Variants in ASB3 observed in about 807,000 individuals in gnomAD.
ASB3 encodes the protein ankyrin repeat and SOCS box protein 3.
ASB3 carries 41 observed loss-of-function variants against 54.5 expected under a neutral mutation model. That is an observed-to-expected ratio of 0.75 (90% CI 0.59 to 0.98). ASB3 has a LOEUF of 0.98. ASB3 is among the 50% of genes least tolerant of loss of function. The pLI is 0.00. For synonymous variants in ASB3, 266 were observed against 221.2 expected, an observed-to-expected ratio of 1.20 and a Z score of -1.80; for missense variants, 733 against 620.0, an observed-to-expected ratio of 1.18 and a Z score of -1.94.
At chr2:53,689,475 T>G (rs1328292078) in intron 9 of ASB3, among the ~76,000 whole-genome samples, 1 of 152,186 alleles carries the variant, frequency 6.6e-6, no homozygotes, top group Non-Finnish European at 1.5e-5. Context: ...AAACTAGAAA[T>G]GGCTTTAGCA....
chr2:53,733,384 C>G (rs531401803), intron 3 of ASB3, among the ~76,000 whole-genome samples: 1 of 151,356 alleles, frequency 6.6e-6, no homozygotes, highest in Admixed American at 6.6e-5. Flanking sequence ...AAGAAGCAGG[C>G]TTCCTCCTTT....
In ASB3 at chr2:53,700,424, C is replaced by T. The variant is rs777013901; in HGVS notation, c.1085G>A (p.Arg362His). 8.1e-6 allele frequency: 13 copies of T among 1,613,992 alleles called. No homozygotes were observed. The highest frequency in any genetic ancestry group is 2.2e-5 in the East Asian group (1 of 44,862). ...TGAGCAACCTTTCCTCAAAAAGTAG[C>T]GAAATATCGAAAACTTCTCGTACTT... is the stretch of plus-strand genomic sequence containing the variant. Reference protein sequence around the residue: ...CLKYEKFSIFRYFLRKGCSLG... With the variant: ...CLKYEKFSIFHYFLRKGCSLG... The change falls in exon 8 of 10, where the codon CGC (arginine) becomes CAC (histidine). Residue 362 changes from arginine (R) to histidine (H), a missense_variant. Arg to His is a conservative substitution (Grantham distance 29). Coordinates refer to ENST00000263634, the MANE Select transcript of ASB3 (RefSeq NM_016115.5).
intron 1 of ASB3, chr2:53,767,607 G>A (rs779121034): frequency 2.5e-6 from 1 of 396,548 alleles, no homozygotes; most frequent in Non-Finnish European, 4.7e-6. Context: ...GGGCACTAAA[G>A]GTAGGTTAGG....
chr2:53,687,202 T>C (rs1278875980), intron 9 of ASB3, among the ~76,000 whole-genome samples: 1 of 152,026 alleles, frequency 6.6e-6, no homozygotes, highest in Admixed American at 6.6e-5. Context: ...AAATTGTAAG[T>C]GGGCAGTTGG....
intron 9 of ASB3, among the ~76,000 whole-genome samples, chr2:53,691,859 C>G (rs1192351967): frequency 6.6e-6 from 1 of 152,114 alleles, no homozygotes; most frequent in African/African-American, 2.4e-5. Context: ...AAAGAATACC[C>G]TGAGAGACCA....
rs1670282475 is a variant in ASB3, at chr2:53,714,573, T to C, written c.791A>G (p.Asp264Gly). 1 of 1,613,802 alleles carries C rather than the reference T, an allele frequency of 6.2e-7. No individual in the cohort carries two copies. The highest frequency in any genetic ancestry group is 2.2e-5 in the East Asian group (1 of 44,880). Residue 264 changes from aspartate to glycine, a missense_variant, in exon 7 of 10, where the codon GAC becomes GGC. Physicochemically the swap from Asp to Gly is moderately conservative, Grantham distance 94 (BLOSUM62 -1). Coordinates refer to ENST00000263634, the MANE Select transcript of ASB3 (RefSeq NM_016115.5). ...AAQMGHTKIL[D>G]LLIPLTNRAC... Reference sequence around the variant, plus strand: ...CCGGTTAGTAAGTGGTATTAACAAGTCCAAGATTCTATAAATACACAAATT... The same window carrying C: ...CCGGTTAGTAAGTGGTATTAACAAGCCCAAGATTCTATAAATACACAAATT...
chr2:53,700,747 T>A (rs953132970), intron 7 of ASB3, among the ~76,000 whole-genome samples: 5 of 152,186 alleles, frequency 3.3e-5, no homozygotes, highest in African/African-American at 1.2e-4. Flanking sequence ...TGTGAACAGG[T>A]ATTATTATAA....
chr2:53,774,453 T>C (rs758133659), intron 1 of ASB3: 3 of 1,602,646 alleles, frequency 1.9e-6, no homozygotes, highest in African/African-American at 1.3e-5. Flanking sequence ...AAGAAGCAGA[T>C]GAGCATCTTT....
chr2:53,758,554 C>A (rs1349590168), intron 2 of ASB3, among the ~76,000 whole-genome samples: 3 of 152,164 alleles, frequency 2.0e-5, no homozygotes, highest in Admixed American at 1.3e-4. Context: ...CTAGAACTCA[C>A]CCTTGAGCGC....
chr2:53,754,670 G>A (rs942845155), intron 2 of ASB3, among the ~76,000 whole-genome samples: 1 of 152,152 alleles, frequency 6.6e-6, no homozygotes, highest in South Asian at 2.1e-4. Context: ...TGAGGCTCAG[G>A]TTCCATAACA....
intron 9 of ASB3, among the ~76,000 whole-genome samples, chr2:53,692,162 G>T (rs1332756343): frequency 6.6e-6 from 1 of 152,122 alleles, no homozygotes; most frequent in East Asian, 1.9e-4. Flanking sequence ...TACAGGGGGG[G>T]CAAAAATCAC....
intron 9 of ASB3, among the ~76,000 whole-genome samples, chr2:53,682,572 G>A (rs1030988317): frequency 1.3e-5 from 2 of 152,116 alleles, no homozygotes; most frequent in African/African-American, 4.8e-5. Context: ...CACCTCTCGG[G>A]TTCAAGTGAT....
intron 1 of ASB3, among the ~76,000 whole-genome samples, chr2:53,768,597 T>G (rs1323007997): frequency 6.6e-6 from 1 of 152,244 alleles, no homozygotes; most frequent in Non-Finnish European, 1.5e-5. Context: ...GAACTCACTT[T>G]GGTTTTCAGT....
At chr2:53,728,486 T>C (rs1269592736) in intron 5 of ASB3, among the ~76,000 whole-genome samples, 1 of 152,214 alleles carries the variant, frequency 6.6e-6, no homozygotes, top group Non-Finnish European at 1.5e-5. Context: ...TAGTGATAGA[T>C]CATTATGTTC....
chr2:53,711,210 A>G (rs1670076412), intron 7 of ASB3, among the ~76,000 whole-genome samples: 1 of 152,178 alleles, frequency 6.6e-6, no homozygotes, highest in Admixed American at 6.5e-5. Context: ...ATGCAAATTC[A>G]TATGCACAAT....
chr2:53,773,849 A>G (rs1674126796), intron 1 of ASB3, among the ~76,000 whole-genome samples: 1 of 151,926 alleles, frequency 6.6e-6, no homozygotes, highest in Non-Finnish European at 1.5e-5. Context: ...AGCCTGGCCA[A>G]CGTGACAAAA....
chr2:53,772,333 T>C (rs1455825222), intron 1 of ASB3, among the ~76,000 whole-genome samples: 3 of 152,082 alleles, frequency 2.0e-5, no homozygotes, highest in East Asian at 1.9e-4. Flanking sequence ...CGCCACCATG[T>C]CTGGCTAATT....
chr2:53,713,210 A>G (rs574448692), intron 7 of ASB3, among the ~76,000 whole-genome samples: 4 of 152,314 alleles, frequency 2.6e-5, no homozygotes, highest in African/African-American at 9.6e-5. Flanking sequence ...ATAGTGAACT[A>G]CTAATTTTAC....
chr2:53,700,460 G>GC lies in ASB3; in HGVS notation c.1048dup (p.Ala350GlyfsTer30), dbSNP rs1558524774. On this transcript the variant is annotated frameshift_variant, in exon 8 of 10. Transcript: ENST00000263634. LOFTEE classifies it high-confidence loss of function. ...AAACTTCTCGTACTTCAGGCAGTAT[G>GC]CCAAATGAAGTTCATTTATCTGGGC... The GC allele has an allele frequency of 6.2e-7, 1 of 1,614,082 alleles. No homozygotes were observed. Among genetic ancestry groups the GC allele is most frequent in the Non-Finnish European group, 8.5e-7 (1 of 1,179,996 alleles).
Sources: allele counts gnomAD v4.1 joint callset (sites outside exome capture counted in the v4.1 genomes callset), GRCh38; gene constraint gnomAD v4.1.1; transcripts MANE v1.5; gene names NCBI Gene and HGNC (gene_info 2026-07-23, HGNC 2026-07-21).